Variants in PLXNA4 observed in about 807,000 individuals in gnomAD.
PLXNA4 encodes plexin-A4.
A neutral mutation model predicts 191.8 loss-of-function variants in PLXNA4; 44 were observed. That is an observed-to-expected ratio of 0.23 (90% CI 0.18 to 0.29). PLXNA4 has a LOEUF of 0.29. Ranked by LOEUF, PLXNA4 falls within the 10% of genes least tolerant of loss-of-function variation. PLXNA4 has a pLI of 1.00. For missense variants in PLXNA4, 1,800 were observed against 2,488.8 expected (o/e 0.72, Z 5.89); for synonymous variants, 1,082 against 1,009.5 (o/e 1.07, Z -1.36).
intron 3 of PLXNA4, among the ~76,000 whole-genome samples, chr7:132,386,885 T>C (rs1238840804): frequency 6.6e-6 from 1 of 152,198 alleles, no homozygotes; most frequent in African/African-American, 2.4e-5. Flanking sequence ...AGGCCAGAGC[T>C]TCTCAAATTG....
chr7:132,525,224 T>C lies in PLXNA4; in HGVS notation c.-86-16445A>G, dbSNP rs973837580. Among the ~76,000 whole-genome samples, 5 of 152,252 alleles carry C rather than the reference T, an allele frequency of 3.3e-5. No homozygotes were observed. In the East Asian group the frequency reaches 9.6e-4, roughly 29 times the overall value. ...GCTTAATGTCCTCAAGGTTCATTCATGTGGTAACATGTAGACAACATGGTG... is the reference window on the plus strand; with the variant it reads ...GCTTAATGTCCTCAAGGTTCATTCACGTGGTAACATGTAGACAACATGGTG... On this transcript the variant is annotated intron_variant, in intron 1 of 31. Transcript: ENST00000321063.
Position 132,385,167 on chromosome 7 carries a change from T to C in PLXNA4, c.1372-86945A>G, listed in dbSNP as rs1585063560. 4 of 1,613,644 alleles carry C rather than the reference T, an allele frequency of 2.5e-6. No homozygotes were observed. In the East Asian group the frequency reaches 6.7e-5, roughly 27 times the overall value. On this transcript the variant is annotated intron_variant, in intron 3 of 31. Transcript: ENST00000321063. ...AGGCTGACAACACACTAAATAAGCCTACACAGCTCTGAAGTTTTTCTCAGT... is the reference window on the plus strand; with the variant it reads ...AGGCTGACAACACACTAAATAAGCCCACACAGCTCTGAAGTTTTTCTCAGT...
intron 3 of PLXNA4, among the ~76,000 whole-genome samples, chr7:132,393,523 C>T (rs1429842616): frequency 6.6e-6 from 1 of 152,178 alleles, no homozygotes. Context: ...TCACTCAAGT[C>T]CTACTTTTGT....
upstream of PLXNA4, among the ~76,000 whole-genome samples, chr7:132,578,072 G>A (rs1000005975): frequency 1.9e-4 from 29 of 152,128 alleles, no homozygotes; most frequent in African/African-American, 6.5e-4. Flanking sequence ...CATCAGGGTG[G>A]TTTCTGAAGC....
At chr7:132,376,204 TC>T (rs1430683255) in intron 3 of PLXNA4, among the ~76,000 whole-genome samples, 3 of 152,168 alleles carry the variant, frequency 2.0e-5, no homozygotes, top group African/African-American at 7.2e-5. Flanking sequence ...TCACCAGGGA[TC>T]CCAGCATTGG....
intron 1 of PLXNA4, among the ~76,000 whole-genome samples, chr7:132,565,475 T>G (rs566541944): frequency 2.8e-4 from 43 of 152,314 alleles, no homozygotes; most frequent in Middle Eastern, 6.8e-3. Context: ...ATAAATGATT[T>G]CCTATTACAC....
intron 3 of PLXNA4, among the ~76,000 whole-genome samples, chr7:132,415,432 T>G (rs781588666): frequency 8.5e-5 from 13 of 152,162 alleles, no homozygotes; most frequent in Non-Finnish European, 8.8e-5. Flanking sequence ...GTTAGGAGAT[T>G]TGTATCTGCT....
chr7:132,165,270 C>G (rs966429183), intron 22 of PLXNA4, 70 bp from the exon 23 acceptor site: 16 of 1,560,530 alleles, frequency 1.0e-5, no homozygotes, highest in Non-Finnish European at 8.7e-7. Context: ...AGCCCGTGGG[C>G]TGGGAAGGGC....
intron 30 of PLXNA4, among the ~76,000 whole-genome samples, chr7:132,138,318 G>A (rs576188890): frequency 1.3e-5 from 2 of 152,172 alleles, no homozygotes; most frequent in South Asian, 2.1e-4. Context: ...TGACCAAGCC[G>A]TGGCCAGGTC....
intron 12 of PLXNA4, 111 bp from the exon 13 acceptor site, chr7:132,198,747 A>C: frequency 1.3e-6 from 2 of 1,487,554 alleles, no homozygotes; most frequent in Non-Finnish European, 1.8e-6. Context: ...AGAGTCCCTG[A>C]GTGGCTTGAA....
rs1438951432 is a variant in PLXNA4 at position 132,194,160 on chromosome 7, C to T, written c.2758G>A (p.Glu920Lys). The part of the protein sequence containing the change: ...PAEQIVCEMG[E>K]AKPSQHAGFV... ...CCTGCATGCTGGCTGGGCTTGGCCT[C>T]CCCCATCTCACACACGATCCTGCAG... The change falls in exon 14 of 32, where the codon GAG (glutamate) becomes AAG (lysine). Residue 920 changes from glutamate (E) to lysine (K), a missense_variant. Physicochemically the swap from Glu to Lys is moderately conservative, Grantham distance 56 (BLOSUM62 1). Coordinates refer to ENST00000321063, the MANE Select transcript of PLXNA4 (RefSeq NM_020911.2). 1.9e-6 allele frequency: 3 copies of T among 1,613,552 alleles called. No homozygotes were observed. Among genetic ancestry groups the T allele is most frequent in the Non-Finnish European group, 2.5e-6 (3 of 1,179,704 alleles).
chr7:132,527,325 A>C (rs1405055557), intron 1 of PLXNA4, among the ~76,000 whole-genome samples: 1 of 152,082 alleles, frequency 6.6e-6, no homozygotes, highest in African/African-American at 2.4e-5. Flanking sequence ...CTTACTGAGA[A>C]AATCTTGCCA....
At chr7:132,571,069 G>A (rs530565300) in intron 1 of PLXNA4, among the ~76,000 whole-genome samples, 1 of 151,696 alleles carries the variant, frequency 6.6e-6, no homozygotes, top group Admixed American at 6.6e-5. Flanking sequence ...ATAATGCATG[G>A]AATAAAAGTT....
chr7:132,333,569 C>T (rs1300133133), intron 3 of PLXNA4, among the ~76,000 whole-genome samples: 1 of 152,200 alleles, frequency 6.6e-6, no homozygotes, highest in Non-Finnish European at 1.5e-5. Flanking sequence ...CTTAATTGTG[C>T]CTGCTCCTCA....
intron 4 of PLXNA4, among the ~76,000 whole-genome samples, chr7:132,268,168 T>C (rs967491314): frequency 2.0e-5 from 3 of 152,166 alleles, no homozygotes; most frequent in Non-Finnish European, 1.5e-5. Flanking sequence ...TGCCACTCCA[T>C]GGTTTGCAGG....
At chr7:132,539,315 G>C (rs1477454705) in intron 1 of PLXNA4, among the ~76,000 whole-genome samples, 1 of 152,198 alleles carries the variant, frequency 6.6e-6, no homozygotes, top group Non-Finnish European at 1.5e-5. Flanking sequence ...CCCTCCACCT[G>C]TCTTCCCAGA....
chr7:132,168,812 G>T (rs1255731460), intron 21 of PLXNA4, among the ~76,000 whole-genome samples: 1 of 152,206 alleles, frequency 6.6e-6, no homozygotes, highest in African/African-American at 2.4e-5. Context: ...GTTAGTAAAT[G>T]GCGGGGCTAG....
chr7:132,188,386 C>T (rs1419658339), intron 14 of PLXNA4, among the ~76,000 whole-genome samples: 1 of 152,206 alleles, frequency 6.6e-6, no homozygotes, highest in African/African-American at 2.4e-5. Context: ...AAGCCTGTAT[C>T]TGCATTTAAA....
intron 3 of PLXNA4, among the ~76,000 whole-genome samples, chr7:132,321,936 T>G (rs2116642119): frequency 6.6e-6 from 1 of 152,284 alleles, no homozygotes; most frequent in African/African-American, 2.4e-5. Flanking sequence ...GCAGAGTATC[T>G]GGGCAAGCTA....
Sources: gnomAD v4.1 joint callset for allele counts (sites outside exome capture counted in the v4.1 genomes callset) on GRCh38, gnomAD v4.1.1 for gene constraint, MANE v1.5 for transcripts, NCBI Gene and HGNC (gene_info 2026-07-23, HGNC 2026-07-21) for gene names.